Variants in TRIM33 observed in about 807,000 individuals in gnomAD.
TRIM33 encodes E3 ubiquitin-protein ligase TRIM33.
In TRIM33, 20 loss-of-function variants were observed where a neutral mutation model predicts 125.4. The observed-to-expected ratio is 0.16, with a 90% CI of 0.11 to 0.23. The LOEUF (loss-of-function observed/expected upper bound fraction) is 0.23. Among genes scored for constraint, TRIM33 ranks in the 10% least tolerant of loss-of-function variants. The probability of loss-of-function intolerance (pLI) is 1.00; values close to 1 mark genes in which losing one functional copy is unlikely to be tolerated. For missense variants in TRIM33, 920 were observed against 1,411.4 expected, an observed-to-expected ratio of 0.65 and a Z score of 5.58; for synonymous variants, 564 against 513.9, an observed-to-expected ratio of 1.10 and a Z score of -1.32.
rs374835443 is a variant in TRIM33, at chr1:114,421,709, T to C, written c.1861-73A>G. 4.6e-5 allele frequency: 68 copies of C among 1,473,672 alleles called. No homozygotes were observed. The Middle Eastern group carries it at 1.7e-3, about 38-fold the overall frequency. 91.3% of individuals were successfully genotyped at this position (1,473,672 alleles called of 1,614,324 possible). A position where few individuals can be genotyped will look rare whatever the true frequency, so the allele number is the denominator to read the frequency against. ...GAATATAAACTATACCTTTATAATT[T>C]TTAGTTTAGGAAGGAAACAGAAGAA... On this transcript the variant is annotated intron_variant, in intron 10 of 19. Transcript: ENST00000358465.
chr1:114,427,664 T>C, intron 7 of TRIM33, 84 bp downstream of exon 7: 4 of 1,393,904 alleles, frequency 2.9e-6, no homozygotes, highest in South Asian at 1.6e-5. Flanking sequence ...AAAATTAAAA[T>C]GTATACTTTA....
At chr1:114,466,866 G>A (rs1024388325) in intron 1 of TRIM33, among the ~76,000 whole-genome samples, 15 of 152,168 alleles carry the variant, frequency 9.9e-5, no homozygotes, top group South Asian at 2.1e-4. Context: ...CAAACTGCTC[G>A]GATTACAGGC....
rs1648115884 is a variant in TRIM33, at chr1:114,433,810, A to C, written c.924-77T>G. ...TTTGGAAATAAAGAACAGCTAAATG[A>C]GTCAATCTTGAAACCTTAATTAAGT... On this transcript the variant is annotated intron_variant, in intron 4 of 19. Coordinates refer to ENST00000358465, the MANE Select transcript of TRIM33 (RefSeq NM_015906.4). 27 of 893,334 alleles carry C rather than the reference A, an allele frequency of 3.0e-5. No individual in the cohort carries two copies. The South Asian group carries it at 3.9e-4, about 13-fold the overall frequency. The allele number at this position is 893,334 out of a possible 1,614,324, so 55.3% of individuals were successfully genotyped here.
At position 114,425,458 on chromosome 1, in the gene TRIM33, T is replaced by A; in HGVS notation, c.1686A>T (p.Leu562Phe). 1 of 1,613,934 alleles carries A rather than the reference T, an allele frequency of 6.2e-7. No homozygotes were observed. The stretch of plus-strand genomic sequence containing the variant: ...GTAACACGATACTTACCTGTTGTTG[T>A]AACATCTGAGGGGCTGCTTGTCTAG... The part of the protein sequence containing the change: ...QHPRQAAPQM[L>F]QQQPPRLISV... Residue 562 changes from leucine (L) to phenylalanine (F), a missense_variant, in exon 9 of 20, where the codon TTA (leucine) becomes TTT (phenylalanine). Around this residue, in one of 8 missense-constraint regions of TRIM33, gnomAD observed 407 missense variants for 589.7 expected, o/e 0.69. Coordinates refer to ENST00000358465, the MANE Select transcript of TRIM33 (RefSeq NM_015906.4).
intron 4 of TRIM33, among the ~76,000 whole-genome samples, chr1:114,450,703 A>G (rs1327359166): frequency 6.6e-6 from 1 of 152,044 alleles, no homozygotes; most frequent in African/African-American, 2.4e-5. Flanking sequence ...TAACGTTCCT[A>G]TTTTGATTCC....
At chr1:114,444,276 C>T (rs755978139) in intron 4 of TRIM33, among the ~76,000 whole-genome samples, 1 of 152,180 alleles carries the variant, frequency 6.6e-6, no homozygotes, top group Non-Finnish European at 1.5e-5. Context: ...GAATTCCTCA[C>T]AAGTTCTTGG....
intron 15 of TRIM33, 41 bp from the exon 16 acceptor site, chr1:114,402,924 A>C (rs893201042): frequency 1.9e-6 from 3 of 1,569,722 alleles, no homozygotes; most frequent in African/African-American, 2.7e-5. Flanking sequence ...TAATTATAAG[A>C]AAGCCTGCTC....
chr1:114,455,013 G>A (rs764228966), intron 4 of TRIM33, among the ~76,000 whole-genome samples: 49 of 152,186 alleles, frequency 3.2e-4, no homozygotes, highest in South Asian at 1.2e-3. Flanking sequence ...TTACTAAAAT[G>A]GACTGTGACA....
At chr1:114,463,918 G>A (rs1650141494) in intron 2 of TRIM33, among the ~76,000 whole-genome samples, 1 of 151,864 alleles carries the variant, frequency 6.6e-6, no homozygotes, top group African/African-American at 2.4e-5. Context: ...AAAGGCGCAT[G>A]CCACCACGCC....
intron 1 of TRIM33, among the ~76,000 whole-genome samples, chr1:114,467,277 T>C (rs1326107666): frequency 1.3e-5 from 2 of 152,108 alleles, no homozygotes; most frequent in African/African-American, 4.8e-5. Flanking sequence ...GGAAACAAAT[T>C]AGAAATTCTA....
rs141162861 is a variant in TRIM33 at position 114,478,961 on chromosome 1, T to C, written c.527-14573A>G. On this transcript the variant is annotated intron_variant, in intron 1 of 19. Transcript: ENST00000358465. ...TACTCCAGAGGCTGAGGCAGGAGAATTGCTGAAACCCAGGAGGCAGAGGTT... is the reference window on the plus strand; with the variant it reads ...TACTCCAGAGGCTGAGGCAGGAGAACTGCTGAAACCCAGGAGGCAGAGGTT... 7.0e-3 allele frequency among the ~76,000 whole-genome samples: 1,070 copies of C among 152,232 alleles called. 8 individuals carry two copies. Among genetic ancestry groups the C allele is most frequent in the African/African-American group, 0.016 (668 of 41,524 alleles).
At position 114,452,021 on chromosome 1, in the gene TRIM33, A is replaced by G. The variant is rs181776552; in HGVS notation, c.923+11083T>C. ...ATTCTAAAAAGAATACAGCAAAATC[A>G]AACTAAGCAAAAAATTAATAAAGAT... On this transcript the variant is annotated intron_variant, in intron 4 of 19. Coordinates refer to ENST00000358465, the MANE Select transcript of TRIM33 (RefSeq NM_015906.4). Among the ~76,000 whole-genome samples the G allele has an allele frequency of 4.6e-5, 7 of 152,336 alleles. No homozygotes were observed. The East Asian group carries it at 1.3e-3, about 29-fold the overall frequency.
At chr1:114,428,045 G>A in intron 6 of TRIM33, 151 bp from the exon 7 acceptor site, 2 of 769,454 alleles carry the variant, frequency 2.6e-6, no homozygotes, top group Admixed American at 3.2e-5. Context: ...TATCATCAGA[G>A]GAAAAGCCAC....
chr1:114,450,910 T>C (rs1277129539), intron 4 of TRIM33, among the ~76,000 whole-genome samples: 2 of 152,220 alleles, frequency 1.3e-5, no homozygotes, highest in Non-Finnish European at 2.9e-5. Context: ...TTTCCCAACA[T>C]TTGTTTTCTT....
chr1:114,397,593 TTTTTTTTTTTTTC>T lies in TRIM33; in HGVS notation c.*42_*54del, dbSNP rs1348846435. 3 of 1,039,152 alleles carry T rather than the reference TTTTTTTTTTTTTC, an allele frequency of 2.9e-6. No homozygotes were observed. The highest frequency in any genetic ancestry group is 4.2e-6 in the Non-Finnish European group (3 of 712,398). The allele number at this position is 1,039,152 out of a possible 1,614,324, so 64.4% of individuals were successfully genotyped here. On this transcript the variant is annotated 3_prime_UTR_variant, in exon 20 of 20. Transcript: ENST00000358465. ...AAAGTTTTCTGGGTTTTTTGTGTTT[TTTTTTTTTTTTTC>T]GTTTTTTTTTTTTTAAACAATTGAT... is the stretch of plus-strand genomic sequence containing the variant.
chr1:114,404,221 G>A (rs1652092154), intron 15 of TRIM33: 1 of 152,026 alleles, frequency 6.6e-6, no homozygotes, highest in Non-Finnish European at 1.5e-5. Context: ...GGCAACCTCT[G>A]CTTCCCAGGT....
At chr1:114,473,517 G>A (rs1310631833) in intron 1 of TRIM33, among the ~76,000 whole-genome samples, 1 of 152,092 alleles carries the variant, frequency 6.6e-6, no homozygotes, top group Non-Finnish European at 1.5e-5. Context: ...AAATGGTTAT[G>A]GCAGAGCAGG....
At chr1:114,398,115 A>G in intron 18 of TRIM33, 125 bp from the exon 19 acceptor site, 1 of 927,270 alleles carries the variant, frequency 1.1e-6, no homozygotes, top group Non-Finnish European at 1.6e-6. Flanking sequence ...CTATAACCAG[A>G]TAAAGTGCTT....
At chr1:114,427,128 T>C in intron 8 of TRIM33, 49 bp downstream of exon 8, 1 of 883,970 alleles carries the variant, frequency 1.1e-6, no homozygotes, top group South Asian at 1.7e-5. Context: ...TATTTTCTCC[T>C]TCTAATTCAG....
Sources: allele counts gnomAD v4.1 joint callset (sites outside exome capture counted in the v4.1 genomes callset), GRCh38; gene constraint gnomAD v4.1.1; regional missense constraint gnomAD v4.1.1; transcripts MANE v1.5; gene names NCBI Gene and HGNC (gene_info 2026-07-23, HGNC 2026-07-21).